GPC6: variants seen among roughly 807,000 people sequenced by gnomAD.
GPC6 encodes glypican 6, also known as glypican-6.
A neutral mutation model predicts 55.2 loss-of-function variants in GPC6; 14 were observed. The ratio of observed to expected loss-of-function variants is 0.25; its 90% CI spans 0.17 to 0.40. The LOEUF (loss-of-function observed/expected upper bound fraction) is 0.40, where lower values mean the gene tolerates loss of function less well. Ranked by LOEUF, GPC6 falls within the 10% of genes least tolerant of loss-of-function variation. The probability of loss-of-function intolerance (pLI) is 1.00; values close to 1 mark genes in which losing one functional copy is unlikely to be tolerated. For synonymous variants in GPC6, 278 were observed against 259.6 expected (o/e 1.07, Z -0.68); for missense variants, 641 against 708.5 (o/e 0.90, Z 1.08).
chr13:93,326,234 C>T (rs1436588212), intron 1 of GPC6, among the ~76,000 whole-genome samples: 1 of 151,986 alleles, frequency 6.6e-6, no homozygotes, highest in African/African-American at 2.4e-5. Context: ...GAGGTATAGG[C>T]CAGTGCTTCT....
At chr13:93,352,710 G>A (rs924200791) in intron 1 of GPC6, among the ~76,000 whole-genome samples, 5 of 152,102 alleles carry the variant, frequency 3.3e-5, no homozygotes, top group African/African-American at 9.7e-5. Flanking sequence ...CCCAGATTTC[G>A]CAGATCTTGG....
chr13:93,666,373 C>G (rs1881137739), intron 2 of GPC6, among the ~76,000 whole-genome samples: 1 of 151,638 alleles, frequency 6.6e-6, no homozygotes, highest in South Asian at 2.1e-4. Context: ...TGAATTCCAA[C>G]TGAAAAAGGG....
rs1555331653 is a variant in GPC6, at chr13:93,789,522, T to TATATATATAC, written c.320-40623_320-40622insCATATATATA. ...CTCTCTCTCTCTCTATATATATATA[T>TATATATATAC]ATATATATATATAGTCAGTTAATAT... On this transcript the variant is annotated intron_variant, in intron 2 of 8. Transcript: ENST00000377047. Among the ~76,000 whole-genome samples the TATATATATAC allele has an allele frequency of 1.4e-4, 20 of 139,254 alleles. 1 individual carries two copies. The highest frequency in any genetic ancestry group is 5.3e-4 in the African/African-American group (20 of 37,718). 91.4% of individuals were successfully genotyped at this position (139,254 alleles called of 152,430 possible).
intron 1 of GPC6, among the ~76,000 whole-genome samples, chr13:93,418,320 A>C (rs568237534): frequency 1.3e-5 from 2 of 151,604 alleles, no homozygotes; most frequent in African/African-American, 4.8e-5. Context: ...TAAAATATAC[A>C]ATTAATTATC....
intron 3 of GPC6, among the ~76,000 whole-genome samples, chr13:93,873,769 A>T (rs572533246): frequency 3.9e-5 from 6 of 152,070 alleles, no homozygotes; most frequent in African/African-American, 1.4e-4. Flanking sequence ...CCCTTCATGA[A>T]ACCAGTTCCT....
intron 3 of GPC6, among the ~76,000 whole-genome samples, chr13:93,985,003 AT>A (rs1880960088): frequency 6.6e-6 from 1 of 152,192 alleles, no homozygotes; most frequent in Non-Finnish European, 1.5e-5. Flanking sequence ...AGTGAACAGC[AT>A]GGGGCTGATG....
chr13:94,054,245 C>T (rs1194889256), intron 4 of GPC6, among the ~76,000 whole-genome samples: 1 of 152,174 alleles, frequency 6.6e-6, no homozygotes, highest in Non-Finnish European at 1.5e-5. Flanking sequence ...TTGGTTAGTG[C>T]ATCAGCCCAG....
chr13:94,078,589 A>G (rs1884998344), intron 4 of GPC6, among the ~76,000 whole-genome samples: 1 of 152,000 alleles, frequency 6.6e-6, no homozygotes, highest in South Asian at 2.1e-4. Context: ...CAGACATACT[A>G]AGGATCATTG....
intron 3 of GPC6, among the ~76,000 whole-genome samples, chr13:93,951,462 AATG>A (rs1487790485): frequency 2.0e-5 from 3 of 152,156 alleles, no homozygotes; most frequent in Non-Finnish European, 4.4e-5. Context: ...TGAATGAATA[AATG>A]ATGAATGAAT....
rs1160443351 is a variant in GPC6, at chr13:94,190,094, G to C, written c.878-96255G>C. On this transcript the variant is annotated intron_variant, in intron 4 of 8. Transcript: ENST00000377047. ...ATCCCAACACTTTGGGAGGCCAAGG[G>C]GGGCAGATCACCTGAGCCCAGGAGT... is the stretch of plus-strand genomic sequence containing the variant. Among the ~76,000 whole-genome samples the C allele has an allele frequency of 5.3e-5, 8 of 151,872 alleles. No homozygotes were observed. In the East Asian group the frequency reaches 9.8e-4, roughly 19 times the overall value.
At chr13:93,516,661 A>G (rs1881207921) in intron 1 of GPC6, among the ~76,000 whole-genome samples, 1 of 152,178 alleles carries the variant, frequency 6.6e-6, no homozygotes, top group African/African-American at 2.4e-5. Context: ...ACAACATGGG[A>G]TATCCTATCT....
intron 4 of GPC6, among the ~76,000 whole-genome samples, chr13:94,091,425 T>A (rs954808252): frequency 6.6e-6 from 1 of 152,202 alleles, no homozygotes; most frequent in African/African-American, 2.4e-5. Flanking sequence ...GAATGGGCTA[T>A]GCTTTCCACT....
chr13:93,453,758 G>A (rs1566365652), intron 1 of GPC6, among the ~76,000 whole-genome samples: 1 of 151,926 alleles, frequency 6.6e-6, no homozygotes, highest in Non-Finnish European at 1.5e-5. Context: ...GCTGACTTGA[G>A]GAGTGAAGCT....
intron 1 of GPC6, among the ~76,000 whole-genome samples, chr13:93,495,429 A>AT (rs1880224477): frequency 8.6e-6 from 1 of 116,826 alleles, no homozygotes; most frequent in Non-Finnish European, 1.8e-5. Context: ...ATTCTTCTAA[A>AT]TTTTTTTCAA....
intron 4 of GPC6, among the ~76,000 whole-genome samples, chr13:94,111,100 A>G (rs1048701910): frequency 2.0e-5 from 3 of 152,236 alleles, no homozygotes; most frequent in East Asian, 1.9e-4. Flanking sequence ...CATCTTTTTC[A>G]TATGTTTAAT....
chr13:93,580,055 T>C (rs1429491537), intron 2 of GPC6, among the ~76,000 whole-genome samples: 2 of 152,208 alleles, frequency 1.3e-5, no homozygotes, highest in Non-Finnish European at 2.9e-5. Flanking sequence ...CAAAGTACCA[T>C]AGACTGGGTG....
rs754278473 is a variant in GPC6, at chr13:93,924,375, G to A, written c.711+93830G>A. 5.3e-5 allele frequency among the ~76,000 whole-genome samples: 8 copies of A among 152,110 alleles called. No individual in the cohort carries two copies. In the South Asian group the frequency reaches 8.3e-4, roughly 16 times the overall value. On this transcript the variant is annotated intron_variant, in intron 3 of 8. Coordinates refer to ENST00000377047, the MANE Select transcript of GPC6 (RefSeq NM_005708.5). ...GCACAGAGCTATTACAATCGTCTGC[G>A]TTTTCTCCTCCATCAAAGCCACCAT...
intron 1 of GPC6, among the ~76,000 whole-genome samples, chr13:93,456,651 C>T (rs1399355003): frequency 3.3e-5 from 5 of 152,026 alleles, no homozygotes; most frequent in Admixed American, 2.6e-4. Flanking sequence ...ATTTGTATGT[C>T]ACCTGCCTGT....
chr13:93,284,148 G>A (rs890954880), intron 1 of GPC6, among the ~76,000 whole-genome samples: 1 of 152,164 alleles, frequency 6.6e-6, no homozygotes, highest in Non-Finnish European at 1.5e-5. Context: ...TTAAGCAAGT[G>A]CATCTGATTT....
Sources: allele counts gnomAD v4.1 joint callset (sites outside exome capture counted in the v4.1 genomes callset), GRCh38; gene constraint gnomAD v4.1.1; transcripts MANE v1.5; gene names NCBI Gene and HGNC (gene_info 2026-07-23, HGNC 2026-07-21).